Variants in SGCZ observed in about 807,000 individuals in gnomAD.
SGCZ encodes the protein zeta-sarcoglycan.
In SGCZ, 40 loss-of-function variants were observed where a neutral mutation model predicts 41.3. The observed-to-expected ratio is 0.97, with a 90% CI of 0.75 to 1.26. The LOEUF is 1.26. SGCZ is among the 50% of genes most tolerant of loss of function. The pLI is 0.00. For synonymous variants in SGCZ, 206 were observed against 137.5 expected (o/e 1.50, Z -3.49); for missense variants, 552 against 369.8 (o/e 1.49, Z -4.04).
At chr8:14,336,991 G>T (rs904325986) in intron 2 of SGCZ, among the ~76,000 whole-genome samples, 1 of 152,120 alleles carries the variant, frequency 6.6e-6, no homozygotes, top group African/African-American at 2.4e-5. Flanking sequence ...TGTACAGAGG[G>T]AAGTGCTGTC....
chr8:14,127,307 A>G (rs552226826), intron 5 of SGCZ, among the ~76,000 whole-genome samples: 1 of 152,324 alleles, frequency 6.6e-6, no homozygotes, highest in Admixed American at 6.5e-5. Context: ...CAGAGTAACA[A>G]TAATAATACA....
intron 1 of SGCZ, among the ~76,000 whole-genome samples, chr8:14,582,325 GA>G (rs1242376504): frequency 5.3e-5 from 8 of 152,072 alleles, no homozygotes; most frequent in African/African-American, 1.9e-4. Context: ...CTATGTGGGG[GA>G]TCAGCACCCC....
chr8:14,704,591 G>A (rs970220591), intron 1 of SGCZ, among the ~76,000 whole-genome samples: 5 of 151,948 alleles, frequency 3.3e-5, no homozygotes, highest in South Asian at 2.1e-4. Context: ...TGTGGTAGCT[G>A]TGACTGTGGG....
At chr8:14,402,499 C>G (rs1424091762) in intron 2 of SGCZ, among the ~76,000 whole-genome samples, 1 of 150,538 alleles carries the variant, frequency 6.6e-6, no homozygotes, top group Non-Finnish European at 1.5e-5. Flanking sequence ...TTTCAGCTTT[C>G]TACCTATGGC....
chr8:14,475,429 C>T (rs1801330689), intron 2 of SGCZ, among the ~76,000 whole-genome samples: 1 of 151,900 alleles, frequency 6.6e-6, no homozygotes, highest in South Asian at 2.1e-4. Context: ...TAACAAAAGT[C>T]CTTTTTTAAA....
At chr8:15,111,586 A>T (rs1784293918) in intron 1 of SGCZ, among the ~76,000 whole-genome samples, 1 of 152,124 alleles carries the variant, frequency 6.6e-6, no homozygotes, top group African/African-American at 2.4e-5. Flanking sequence ...CACCCTGTGG[A>T]ATGTCTCCTC....
At chr8:14,762,533 G>A (rs975945022) in intron 1 of SGCZ, among the ~76,000 whole-genome samples, 5 of 152,144 alleles carry the variant, frequency 3.3e-5, no homozygotes, top group Non-Finnish European at 5.9e-5. Context: ...AATGAATAGG[G>A]AGGTTTATTA....
chr8:14,857,398 G>A (rs1326675824), intron 1 of SGCZ, among the ~76,000 whole-genome samples: 3 of 152,046 alleles, frequency 2.0e-5, no homozygotes, highest in African/African-American at 7.2e-5. Flanking sequence ...TTTGTATTAC[G>A]ATTCTTTTAG....
chr8:15,232,168 A>G (rs1801962835), intron 1 of SGCZ, among the ~76,000 whole-genome samples: 1 of 152,252 alleles, frequency 6.6e-6, no homozygotes, highest in Admixed American at 6.5e-5. Flanking sequence ...AAGCTCTGCC[A>G]AATTGTATTT....
At chr8:14,459,264 T>C (rs533557274) in intron 2 of SGCZ, among the ~76,000 whole-genome samples, 1 of 151,760 alleles carries the variant, frequency 6.6e-6, no homozygotes, top group Non-Finnish European at 1.5e-5. Context: ...CCGGGGCCTG[T>C]TGTGGGGTAG....
At chr8:14,557,267 T>C (rs1207417015) in intron 1 of SGCZ, among the ~76,000 whole-genome samples, 1 of 139,768 alleles carries the variant, frequency 7.2e-6, no homozygotes, top group African/African-American at 2.7e-5. Context: ...CCTTACCCAC[T>C]TTTTGATGGG....
intron 1 of SGCZ, among the ~76,000 whole-genome samples, chr8:14,700,763 C>G (rs937369517): frequency 6.6e-6 from 1 of 151,826 alleles, no homozygotes; most frequent in Non-Finnish European, 1.5e-5. Flanking sequence ...ATAAAGCACA[C>G]AAAAATTAGC....
chr8:14,276,348 C>A (rs770889814), intron 3 of SGCZ, among the ~76,000 whole-genome samples: 4 of 152,076 alleles, frequency 2.6e-5, no homozygotes, highest in Non-Finnish European at 4.4e-5. Flanking sequence ...TTTTTGCATT[C>A]TCATTGCTTA....
chr8:14,381,638 G>C (rs1804369153), intron 2 of SGCZ, among the ~76,000 whole-genome samples: 1 of 151,788 alleles, frequency 6.6e-6, no homozygotes, highest in African/African-American at 2.4e-5. Context: ...AATTGGCTGG[G>C]TGTAGTCACG....
rs7844451 is a variant in SGCZ, at chr8:14,555,066, G to A, written c.40-140C>T. ...TGAGCATTCAAATAACTATTGTTGT[G>A]TAATTAAAATGTTATAGAAAACTTC... On this transcript the variant is annotated intron_variant, in intron 1 of 7. Coordinates refer to ENST00000382080, the MANE Select transcript of SGCZ (RefSeq NM_139167.4). 2.4e-3 allele frequency: 1,730 copies of A among 707,414 alleles called. 19 individuals carry two copies. The African/African-American group carries it at 0.029, about 12-fold the overall frequency. 43.8% of individuals were successfully genotyped at this position (707,414 alleles called of 1,614,324 possible).
intron 1 of SGCZ, among the ~76,000 whole-genome samples, chr8:14,749,738 C>T (rs1178504835): frequency 3.3e-5 from 5 of 151,944 alleles, no homozygotes; most frequent in Non-Finnish European, 7.4e-5. Flanking sequence ...TTAAATCAGT[C>T]AGGATTCAGA....
intron 1 of SGCZ, among the ~76,000 whole-genome samples, chr8:15,053,604 T>C (rs1287892528): frequency 6.6e-6 from 1 of 152,132 alleles, no homozygotes; most frequent in Admixed American, 6.5e-5. Flanking sequence ...TTTCATGAGA[T>C]TTACTAATCA....
intron 1 of SGCZ, among the ~76,000 whole-genome samples, chr8:15,169,605 CG>C (rs11356258): frequency 0.36 from 54,557 of 152,006 alleles, 11,936 homozygotes; most frequent in Non-Finnish European, 0.47. Context: ...CTAGACTAGG[CG>C]GCTAATAAAC....
chr8:14,635,121 C>T (rs1052965257), intron 1 of SGCZ, among the ~76,000 whole-genome samples: 1 of 151,616 alleles, frequency 6.6e-6, no homozygotes, highest in Non-Finnish European at 1.5e-5. Flanking sequence ...TATATTTTAA[C>T]ATCAAACTTT....
Sources: gnomAD v4.1 joint callset for allele counts (sites outside exome capture counted in the v4.1 genomes callset) on GRCh38, gnomAD v4.1.1 for gene constraint, MANE v1.5 for transcripts, NCBI Gene and HGNC (gene_info 2026-07-23, HGNC 2026-07-21) for gene names.